CDC20B: variants seen among roughly 807,000 people sequenced by gnomAD.
CDC20B encodes cell division cycle protein 20 homolog B.
Under a neutral mutation model 64.1 loss-of-function variants are expected in CDC20B, and 58 were observed. The observed-to-expected ratio is 0.90, with a 90% CI of 0.73 to 1.13. The LOEUF (loss-of-function observed/expected upper bound fraction) is 1.13. Ranked by LOEUF, CDC20B falls within the 50% of genes most tolerant of loss-of-function variation. The pLI is 0.00. For missense variants in CDC20B, 597 were observed against 633.0 expected, an observed-to-expected ratio of 0.94 and a Z score of 0.61; for synonymous variants, 243 against 230.6, an observed-to-expected ratio of 1.05 and a Z score of -0.49.
At chr5:55,154,163 TGGGACAACACCCCAGCACATCCAA>T (rs1473533800) in intron 2 of CDC20B, among the ~76,000 whole-genome samples, 1 of 152,088 alleles carries the variant, frequency 6.6e-6, no homozygotes, top group Admixed American at 6.5e-5. Context: ...AACACCGTAA[TGGGACAACACCCCAGCACATCCAA>T]GGGTGGAAAC....
Position 55,114,222 on chromosome 5 carries a change from T to A in CDC20B, c.1556A>T (p.Tyr519Phe), listed in dbSNP as rs148916672. 3.7e-5 allele frequency: 60 copies of A among 1,613,394 alleles called. No homozygotes were observed. Among genetic ancestry groups the A allele is most frequent in the Admixed American group, 6.7e-5 (4 of 59,970 alleles). ...ADGTASVWNC[Y>F] ...GAAACCTAGAGGGGCTGGGTGCTAGTAGCAATTCCATACAGAGGCCGTCCC... is the reference window on the plus strand; with the variant it reads ...GAAACCTAGAGGGGCTGGGTGCTAGAAGCAATTCCATACAGAGGCCGTCCC... Residue 519 changes from tyrosine to phenylalanine, a missense_variant, in exon 12 of 12, where the codon TAC (tyrosine) becomes TTC (phenylalanine). By Grantham distance (22) the Tyr-to-Phe change is conservative (BLOSUM62 3). Coordinates refer to ENST00000381375, the MANE Select transcript of CDC20B (RefSeq NM_001170402.1). This position sits in a 1 kb window ranked among gnomAD's most constrained non-coding sequence, Gnocchi z 4.1.
Position 55,172,583 on chromosome 5 carries a change from C to T in CDC20B, c.126+5G>A. On this transcript the variant is annotated splice_donor_5th_base_variant and intron_variant, in intron 2 of 11. Coordinates refer to ENST00000381375, the MANE Select transcript of CDC20B (RefSeq NM_001170402.1). ...ACAGAGAACAAGAACAAGCCCTGGA[C>T]TCACGTTGGCGGAATCTTGACTTCT... The T allele has an allele frequency of 6.2e-7, 1 of 1,608,222 alleles. No homozygotes were observed. The highest frequency in any genetic ancestry group is 8.5e-7 in the Non-Finnish European group (1 of 1,174,668).
intron 3 of CDC20B, among the ~76,000 whole-genome samples, chr5:55,146,106 T>G (rs1350096357): frequency 1.3e-5 from 2 of 152,182 alleles, no homozygotes; most frequent in Non-Finnish European, 2.9e-5. Flanking sequence ...AAATTTTGCC[T>G]GAGGATGTAG....
At chr5:55,164,144 C>A in intron 2 of CDC20B, 2 of 1,603,426 alleles carry the variant, frequency 1.2e-6, no homozygotes, top group Non-Finnish European at 1.7e-6. Context: ...GCCAGAGGAG[C>A]CCATTGAAGT....
chr5:55,164,992 T>C (rs1482074617), intron 2 of CDC20B: 2 of 152,200 alleles, frequency 1.3e-5, no homozygotes, highest in Admixed American at 6.5e-5. Context: ...AGTAAGTCAG[T>C]CTTTATTTTT....
intron 9 of CDC20B, among the ~76,000 whole-genome samples, chr5:55,121,587 A>G (rs951724729): frequency 1.3e-5 from 2 of 150,928 alleles, no homozygotes; most frequent in Admixed American, 1.3e-4. Context: ...TACATTCTAC[A>G]TGTCTTTTTT....
chr5:55,133,185 T>C (rs73118113), intron 6 of CDC20B, among the ~76,000 whole-genome samples: 5,162 of 152,244 alleles, frequency 0.034, 315 homozygotes, highest in African/African-American at 0.12. Context: ...TCTAATACAG[T>C]AACATAAAAT....
chr5:55,146,261 C>G (rs114987242), intron 3 of CDC20B, among the ~76,000 whole-genome samples: 1 of 152,252 alleles, frequency 6.6e-6, no homozygotes, highest in African/African-American at 2.4e-5. Flanking sequence ...GCAAATAAGG[C>G]GAACTGAGCT....
Position 55,119,684 on chromosome 5 carries a change from G to C in CDC20B, c.1459+117C>G. Reference sequence around the variant, plus strand: ...GGGTGGATGTAGGACTTTTTCCTCTGATGAAATGTGTACTTAGAAAAACCA... The same window carrying C: ...GGGTGGATGTAGGACTTTTTCCTCTCATGAAATGTGTACTTAGAAAAACCA... On this transcript the variant is annotated intron_variant, in intron 11 of 11. Transcript: ENST00000381375. The C allele has an allele frequency of 4.5e-6, 3 of 661,562 alleles. No individual in the cohort carries two copies. In the South Asian group the frequency reaches 5.7e-5, roughly 12 times the overall value. 41.0% of individuals were successfully genotyped at this position (661,562 alleles called of 1,614,324 possible).
chr5:55,131,926 A>C (rs1042100883), intron 6 of CDC20B, among the ~76,000 whole-genome samples: 8 of 152,062 alleles, frequency 5.3e-5, no homozygotes, highest in African/African-American at 1.7e-4. Context: ...TTAGCCAGGC[A>C]TGGTGCACAT....
At chr5:55,172,882 G>A in intron 1 of CDC20B, 56 bp downstream of exon 1, 3 of 1,485,792 alleles carry the variant, frequency 2.0e-6, no homozygotes, top group South Asian at 1.3e-5. Context: ...TTATGAACGG[G>A]GCCTTCGGCC....
intron 2 of CDC20B, among the ~76,000 whole-genome samples, chr5:55,157,670 CA>C (rs1173786155): frequency 6.6e-6 from 1 of 152,186 alleles, no homozygotes; most frequent in African/African-American, 2.4e-5. Context: ...CAATCACAAG[CA>C]AGTTTGTAAC....
rs75609221 is a variant in CDC20B at position 55,125,824 on chromosome 5, G to A, written c.990-796C>T. ...TGTGATTAACAATATGGGCTCTGGA[G>A]CCAGACCAGCTGGGTTATTCCAACT... On this transcript the variant is annotated intron_variant, in intron 8 of 11. Coordinates refer to ENST00000381375, the MANE Select transcript of CDC20B (RefSeq NM_001170402.1). Among the ~76,000 whole-genome samples the A allele has an allele frequency of 2.4e-3, 367 of 152,322 alleles. 2 individuals carry two copies. Among genetic ancestry groups the A allele is most frequent in the African/African-American group, 8.3e-3 (346 of 41,552 alleles).
intron 2 of CDC20B, among the ~76,000 whole-genome samples, chr5:55,167,407 G>A (rs1380866964): frequency 2.0e-5 from 3 of 152,118 alleles, no homozygotes; most frequent in Non-Finnish European, 4.4e-5. Context: ...AGTGTATCTA[G>A]CATATATATA....
intron 3 of CDC20B, among the ~76,000 whole-genome samples, chr5:55,145,654 G>A (rs747795595): frequency 1.3e-4 from 19 of 151,940 alleles, no homozygotes; most frequent in Non-Finnish European, 2.8e-4. Flanking sequence ...CCCCAACATA[G>A]GCATCAGACT....
chr5:55,168,277 CAGAGG>C (rs1224434145), intron 2 of CDC20B, among the ~76,000 whole-genome samples: 1 of 151,978 alleles, frequency 6.6e-6, no homozygotes, highest in Non-Finnish European at 1.5e-5. Flanking sequence ...GTGACAGGTT[CAGAGG>C]GCAGCGATGG....
chr5:55,144,615 T>C (rs1046878933), intron 3 of CDC20B, among the ~76,000 whole-genome samples: 2 of 152,246 alleles, frequency 1.3e-5, no homozygotes, highest in Non-Finnish European at 2.9e-5. Context: ...GTCAAAGTTT[T>C]AGATCTTGCT....
In CDC20B at chr5:55,114,978, A is replaced by G. The variant is rs1297587270; in HGVS notation, c.1460-660T>C. Among the ~76,000 whole-genome samples, 1 of 152,148 alleles carries G rather than the reference A, an allele frequency of 6.6e-6. No individual in the cohort carries two copies. The highest frequency in any genetic ancestry group is 1.5e-5 in the Non-Finnish European group (1 of 68,022). On this transcript the variant is annotated intron_variant, in intron 11 of 11. Coordinates refer to ENST00000381375, the MANE Select transcript of CDC20B (RefSeq NM_001170402.1). The surrounding 1 kb of genome is among the most constrained non-coding windows in gnomAD (Gnocchi z 4.1). ...CAGCCTACCACACCCTTCATGCCCT[A>G]TACTGTTGTTAGTTCTGTCTTCTCT... is the stretch of plus-strand genomic sequence containing the variant.
Position 55,155,042 on chromosome 5 carries a change from G to C in CDC20B, c.127-8186C>G, listed in dbSNP as rs112921377. Among the ~76,000 whole-genome samples the C allele has an allele frequency of 5.1e-3, 774 of 152,174 alleles. 6 individuals carry two copies. Among genetic ancestry groups the C allele is most frequent in the African/African-American group, 0.018 (746 of 41,516 alleles). On this transcript the variant is annotated intron_variant, in intron 2 of 11. Coordinates refer to ENST00000381375, the MANE Select transcript of CDC20B (RefSeq NM_001170402.1). Reference sequence around the variant, plus strand: ...ATCTCCTGCCAAGGAAATGCCTGTCGCATAGTTTTGAATGACTCAAGTATT... The same window carrying C: ...ATCTCCTGCCAAGGAAATGCCTGTCCCATAGTTTTGAATGACTCAAGTATT...
Sources: gnomAD v4.1 joint callset for allele counts (sites outside exome capture counted in the v4.1 genomes callset) on GRCh38, gnomAD v4.1.1 for gene constraint, Gnocchi (gnomAD v3.1) non-coding constraint, MANE v1.5 for transcripts, NCBI Gene and HGNC (gene_info 2026-07-23, HGNC 2026-07-21) for gene names.